Variants in SCFD2 observed in about 807,000 individuals in gnomAD.
SCFD2 encodes the protein sec1 family domain containing 2, also known as sec1 family domain-containing protein 2.
Under a neutral mutation model 58.9 loss-of-function variants are expected in SCFD2, and 54 were observed. The ratio of observed to expected loss-of-function variants is 0.92; its 90% CI spans 0.74 to 1.15. SCFD2 has a LOEUF of 1.15. Ranked by LOEUF, SCFD2 falls within the 50% of genes most tolerant of loss-of-function variation. The probability of loss-of-function intolerance (pLI) is 0.00; values close to 1 mark genes in which losing one functional copy is unlikely to be tolerated. For synonymous variants in SCFD2, 321 were observed against 335.9 expected (o/e 0.96, Z 0.49); for missense variants, 805 against 836.6 (o/e 0.96, Z 0.47).
intron 4 of SCFD2, among the ~76,000 whole-genome samples, chr4:53,219,097 G>A (rs1351426822): frequency 1.3e-5 from 2 of 152,206 alleles, no homozygotes; most frequent in Non-Finnish European, 2.9e-5. Flanking sequence ...GGACCCACTG[G>A]AGGAGGCAGT....
chr4:53,092,461 A>C (rs996000777), intron 5 of SCFD2, among the ~76,000 whole-genome samples: 12 of 152,190 alleles, frequency 7.9e-5, no homozygotes, highest in Admixed American at 2.0e-4. Flanking sequence ...CAGAGAAGTA[A>C]AAATTTACAA....
chr4:52,875,241 A>G (rs990944424), intron 8 of SCFD2, among the ~76,000 whole-genome samples: 32 of 151,988 alleles, frequency 2.1e-4, no homozygotes, highest in Non-Finnish European at 4.3e-4. Context: ...GGCTTCTTTC[A>G]TGGTGACCCT....
chr4:52,959,967 T>C (rs1720807284), intron 5 of SCFD2, among the ~76,000 whole-genome samples: 1 of 148,794 alleles, frequency 6.7e-6, no homozygotes, highest in South Asian at 2.1e-4. Flanking sequence ...AATTAGGCTG[T>C]AAGTGAACAA....
At chr4:53,332,008 A>C (rs1733491724) in intron 2 of SCFD2, among the ~76,000 whole-genome samples, 1 of 152,234 alleles carries the variant, frequency 6.6e-6, no homozygotes, top group Admixed American at 6.5e-5. Context: ...AGAAATGGAT[A>C]AATTCCTTGC....
chr4:53,143,248 T>G (rs1310400865), intron 5 of SCFD2, among the ~76,000 whole-genome samples: 1 of 152,208 alleles, frequency 6.6e-6, no homozygotes, highest in East Asian at 1.9e-4. Flanking sequence ...TTAAAAAAGC[T>G]ATCCAAATAA....
Position 53,365,740 on chromosome 4 carries a change from C to A in SCFD2, c.202G>T (p.Ala68Ser), listed in dbSNP as rs1310001436. 1 of 1,613,944 alleles carries A rather than the reference C, an allele frequency of 6.2e-7. No individual in the cohort carries two copies. Among genetic ancestry groups the A allele is most frequent in the Non-Finnish European group, 8.5e-7 (1 of 1,179,924 alleles). ...ACAAACACTGCCTTGGGCTGCTTGG[C>A]TCCACCACCAATTGCGTCGGGCTCG... ...EFEPDAIGGG[A>S]KQPKAVFVLS... The change falls in exon 1 of 9, where the codon GCC (alanine) becomes TCC (serine). Residue 68 changes from alanine (A) to serine (S), a missense_variant. By Grantham distance (99) the Ala-to-Ser change is moderately conservative. Coordinates refer to ENST00000401642, the MANE Select transcript of SCFD2 (RefSeq NM_152540.4). The surrounding 1 kb of genome is among the most constrained non-coding windows in gnomAD (Gnocchi z 4.3).
intron 5 of SCFD2, among the ~76,000 whole-genome samples, chr4:52,972,565 G>C (rs1320342000): frequency 2.0e-5 from 3 of 151,984 alleles, no homozygotes; most frequent in East Asian, 3.9e-4. Flanking sequence ...CACAATAATA[G>C]TGGGAGACTT....
intron 5 of SCFD2, among the ~76,000 whole-genome samples, chr4:52,931,840 G>T (rs1422379351): frequency 6.6e-6 from 1 of 152,142 alleles, no homozygotes; most frequent in South Asian, 2.1e-4. Context: ...TATCTGATGT[G>T]CCACTTCCTG....
chr4:52,904,289 C>T (rs375250453), intron 7 of SCFD2, among the ~76,000 whole-genome samples: 3 of 152,188 alleles, frequency 2.0e-5, no homozygotes, highest in Admixed American at 6.5e-5. Context: ...GGAAGGATTC[C>T]GCATTGATAA....
At chr4:53,262,065 A>C (rs2149055153) in intron 4 of SCFD2, among the ~76,000 whole-genome samples, 1 of 152,246 alleles carries the variant, frequency 6.6e-6, no homozygotes, top group East Asian at 1.9e-4. Context: ...ATATAAGAAT[A>C]GCTACTCCTG....
At chr4:53,270,185 A>G (rs541836801) in intron 4 of SCFD2, among the ~76,000 whole-genome samples, 34 of 152,316 alleles carry the variant, frequency 2.2e-4, no homozygotes, top group African/African-American at 7.5e-4. Flanking sequence ...AATTTGTCCC[A>G]GGAATGCAAT....
chr4:53,335,209 A>AC (rs1393606625), intron 2 of SCFD2, among the ~76,000 whole-genome samples: 2 of 146,722 alleles, frequency 1.4e-5, no homozygotes, highest in Admixed American at 6.8e-5. Flanking sequence ...AAAAAAAAAA[A>AC]AAAACAACAA....
intron 1 of SCFD2, among the ~76,000 whole-genome samples, chr4:53,357,798 A>G (rs1296491550): frequency 2.0e-5 from 3 of 152,188 alleles, no homozygotes; most frequent in African/African-American, 7.2e-5. Flanking sequence ...TAGTCTCTGA[A>G]GCTGCTAACT....
intron 5 of SCFD2, among the ~76,000 whole-genome samples, chr4:53,057,726 T>G (rs768205451): frequency 6.6e-6 from 1 of 152,022 alleles, no homozygotes; most frequent in Non-Finnish European, 1.5e-5. Flanking sequence ...TGCTTGCTTA[T>G]AAAAGAAAGA....
intron 4 of SCFD2, among the ~76,000 whole-genome samples, chr4:53,150,773 T>C (rs190205533): frequency 1.3e-5 from 2 of 152,356 alleles, no homozygotes; most frequent in East Asian, 3.9e-4. Context: ...CACAGCCATC[T>C]GTGTGCATAA....
Position 53,235,985 on chromosome 4 carries a change from A to T in SCFD2, c.1311+37841T>A, listed in dbSNP as rs1291623128. Among the ~76,000 whole-genome samples the T allele has an allele frequency of 3.9e-5, 6 of 152,188 alleles. No individual in the cohort carries two copies. The East Asian group carries it at 9.6e-4, about 24-fold the overall frequency. ...TAGAGAAGTTGAGAGGCACAGTAGA[A>T]ACTTTGTATTCTGTGATGGTTAATA... On this transcript the variant is annotated intron_variant, in intron 4 of 8. Coordinates refer to ENST00000401642, the MANE Select transcript of SCFD2 (RefSeq NM_152540.4).
rs1216864125 is a variant in SCFD2 at position 53,007,304 on chromosome 4, G to GA, written c.1562-86435_1562-86434insT. 2.3e-3 allele frequency among the ~76,000 whole-genome samples: 206 copies of GA among 89,890 alleles called. 2 individuals carry two copies. The highest frequency in any genetic ancestry group is 8.3e-3 in the African/African-American group (190 of 22,986). 59.0% of individuals were successfully genotyped at this position (89,890 alleles called of 152,430 possible). Reference sequence around the variant, plus strand: ...GAGGAGAGAGAGGGAGAGAGGGAGAGGGAGAGAGAGAGAGAGAGAGAGAGA... The same window carrying GA: ...GAGGAGAGAGAGGGAGAGAGGGAGAGAGGAGAGAGAGAGAGAGAGAGAGAGA... On this transcript the variant is annotated intron_variant, in intron 5 of 8. Transcript: ENST00000401642.
chr4:53,266,044 G>A (rs1215798492), intron 4 of SCFD2, among the ~76,000 whole-genome samples: 1 of 151,988 alleles, frequency 6.6e-6, no homozygotes, highest in Non-Finnish European at 1.5e-5. Flanking sequence ...ATTTTTAATG[G>A]GGAAAAAAAG....
intron 3 of SCFD2, among the ~76,000 whole-genome samples, chr4:53,305,021 T>C (rs1305882696): frequency 6.6e-6 from 1 of 152,082 alleles, no homozygotes; most frequent in Non-Finnish European, 1.5e-5. Context: ...GAGTCCTTTT[T>C]GTTGATGTTG....
Sources: gnomAD v4.1 joint callset for allele counts (sites outside exome capture counted in the v4.1 genomes callset) on GRCh38, gnomAD v4.1.1 for gene constraint, Gnocchi (gnomAD v3.1) non-coding constraint, MANE v1.5 for transcripts, NCBI Gene and HGNC (gene_info 2026-07-23, HGNC 2026-07-21) for gene names.